The following CLSTN2 variants were observed in gnomAD, a reference collection of about 807,000 sequenced individuals.
The protein encoded by CLSTN2 is calsyntenin-2.
A neutral mutation model predicts 101.2 loss-of-function variants in CLSTN2; 48 were observed. The ratio of observed to expected loss-of-function variants is 0.47; its 90% CI spans 0.38 to 0.60. The LOEUF is 0.60. Among genes scored for constraint, CLSTN2 ranks in the 20% least tolerant of loss-of-function variants. CLSTN2 has a pLI of 0.00. For missense variants in CLSTN2, 1,160 were observed against 1,238.2 expected (o/e 0.94, Z 0.95); for synonymous variants, 481 against 463.6 (o/e 1.04, Z -0.48).
chr3:139,939,554 G>A lies in CLSTN2; in HGVS notation c.109+4071G>A, dbSNP rs564929716. On this transcript the variant is annotated intron_variant, in intron 1 of 16. Transcript: ENST00000458420. ...CTGCCCACAGAAGAGCACAGTATGA[G>A]TGTCTAAGGCTGTTTAAAAGGGCAT... 1.1e-4 allele frequency among the ~76,000 whole-genome samples: 17 copies of A among 152,316 alleles called. No homozygotes were observed. The South Asian group carries it at 1.9e-3, about 17-fold the overall frequency.
At chr3:140,235,300 GC>G (rs2086406746) in intron 2 of CLSTN2, among the ~76,000 whole-genome samples, 1 of 152,084 alleles carries the variant, frequency 6.6e-6, no homozygotes, top group East Asian at 1.9e-4. Flanking sequence ...CCAGATGGGG[GC>G]CCTAACAGTT....
chr3:140,507,896 T>C (rs1022503945), intron 8 of CLSTN2: 3 of 152,210 alleles, frequency 2.0e-5, no homozygotes, highest in Non-Finnish European at 2.9e-5. Context: ...ACCCATCTTA[T>C]AGATGAAGAA....
At chr3:140,082,680 C>T (rs1423049176) in intron 1 of CLSTN2, among the ~76,000 whole-genome samples, 3 of 152,196 alleles carry the variant, frequency 2.0e-5, no homozygotes, top group Non-Finnish European at 4.4e-5. Flanking sequence ...TCACCATCCC[C>T]TTTCTGGAGT....
At position 140,365,858 on chromosome 3, in the gene CLSTN2, TA is replaced by T. The variant is rs1028750271; in HGVS notation, c.233-37770del. ...ATTCACAAAGCTGCTGGGAAACATC[TA>T]GAGAGAAATCGAGGAACAACCCCAC... On this transcript the variant is annotated intron_variant, in intron 2 of 16. Transcript: ENST00000458420. Among the ~76,000 whole-genome samples, 32 of 152,278 alleles carry T rather than the reference TA, an allele frequency of 2.1e-4. 1 individual carries two copies. Among genetic ancestry groups the T allele is most frequent in the Admixed American group, 2.0e-4 (3 of 15,304 alleles).
chr3:140,153,278 G>A (rs969565296), intron 1 of CLSTN2, among the ~76,000 whole-genome samples: 1 of 152,232 alleles, frequency 6.6e-6, no homozygotes, highest in Non-Finnish European at 1.5e-5. Context: ...GGTAATATAA[G>A]GGGCTGCCAG....
At chr3:140,087,587 A>T (rs1165345713) in intron 1 of CLSTN2, among the ~76,000 whole-genome samples, 1 of 152,168 alleles carries the variant, frequency 6.6e-6, no homozygotes, top group East Asian at 1.9e-4. Context: ...TGTGCTGTGG[A>T]TAATGGAGTA....
At chr3:140,519,377 G>T (rs1159245275) in intron 8 of CLSTN2, among the ~76,000 whole-genome samples, 1 of 152,154 alleles carries the variant, frequency 6.6e-6, no homozygotes, top group Non-Finnish European at 1.5e-5. Flanking sequence ...GAATATCTTT[G>T]TTAATTTTCT....
At chr3:140,311,286 CCTTTTTTTTTT>C (rs2087164627) in intron 2 of CLSTN2, among the ~76,000 whole-genome samples, 2 of 85,328 alleles carry the variant, frequency 2.3e-5, no homozygotes, top group Non-Finnish European at 4.2e-5. Flanking sequence ...GGTTTATTAT[CCTTTTTTTTTT>C]TTTTTTTTTT....
In CLSTN2 at chr3:140,311,287, C is replaced by CTTT. The variant is rs750088450; in HGVS notation, c.233-92308_233-92306dup. ...ATAATAACAGCTAAGGTTTATTATC[C>CTTT]TTTTTTTTTTTTTTTTTTTTTTTTT... is the stretch of plus-strand genomic sequence containing the variant. On this transcript the variant is annotated intron_variant, in intron 2 of 16. Coordinates refer to ENST00000458420, the MANE Select transcript of CLSTN2 (RefSeq NM_022131.3). 2.9e-3 allele frequency among the ~76,000 whole-genome samples: 153 copies of CTTT among 52,078 alleles called. 39 individuals carry two copies. Among genetic ancestry groups the CTTT allele is most frequent in the African/African-American group, 7.2e-3 (77 of 10,624 alleles). The allele number at this position is 52,078 out of a possible 152,430, so 34.2% of individuals were successfully genotyped here.
intron 2 of CLSTN2, among the ~76,000 whole-genome samples, chr3:140,178,816 T>A (rs1156792390): frequency 2.0e-5 from 3 of 152,216 alleles, no homozygotes; most frequent in Admixed American, 2.0e-4. Flanking sequence ...CGAAGTCAAC[T>A]GAAGCTTTTA....
At chr3:140,019,436 G>A (rs998472960) in intron 1 of CLSTN2, among the ~76,000 whole-genome samples, 5 of 152,086 alleles carry the variant, frequency 3.3e-5, no homozygotes, top group Admixed American at 2.6e-4. Context: ...GCTCTTCCCT[G>A]GGTCACCATA....
intron 1 of CLSTN2, among the ~76,000 whole-genome samples, chr3:140,120,366 G>A (rs748384240): frequency 2.6e-5 from 4 of 152,186 alleles, no homozygotes; most frequent in Non-Finnish European, 4.4e-5. Flanking sequence ...TGAGGTATGG[G>A]GAAAGGCACA....
At chr3:140,192,257 T>G (rs1301568023) in intron 2 of CLSTN2, among the ~76,000 whole-genome samples, 2 of 151,930 alleles carry the variant, frequency 1.3e-5, no homozygotes, top group Admixed American at 6.6e-5. Context: ...TCAGTAGATA[T>G]TCTGTGGGCA....
rs1328631599 is a variant in CLSTN2 at position 140,091,656 on chromosome 3, G to A, written c.110-84295G>A. 3.9e-5 allele frequency among the ~76,000 whole-genome samples: 6 copies of A among 152,202 alleles called. No individual in the cohort carries two copies. In the East Asian group the frequency reaches 5.8e-4, roughly 15 times the overall value. ...ACTTTGATATTGAAATGCAGAAGGC[G>A]TGGGCCATCCACAGCTCCACTCTGG... On this transcript the variant is annotated intron_variant, in intron 1 of 16. Coordinates refer to ENST00000458420, the MANE Select transcript of CLSTN2 (RefSeq NM_022131.3).
At chr3:140,536,247 T>C (rs921058193) in intron 9 of CLSTN2, among the ~76,000 whole-genome samples, 5 of 152,010 alleles carry the variant, frequency 3.3e-5, no homozygotes, top group African/African-American at 1.2e-4. Flanking sequence ...AAGACCCACC[T>C]CACAGAATTC....
intron 8 of CLSTN2, among the ~76,000 whole-genome samples, chr3:140,527,895 T>C (rs1396148795): frequency 6.7e-6 from 1 of 149,964 alleles, no homozygotes. Context: ...AATATAGGAA[T>C]GATAGACACT....
intron 1 of CLSTN2, among the ~76,000 whole-genome samples, chr3:140,133,290 C>T (rs2009550183): frequency 6.6e-6 from 1 of 152,162 alleles, no homozygotes; most frequent in Non-Finnish European, 1.5e-5. Context: ...GCCTCCATGA[C>T]CCAAACACCT....
intron 2 of CLSTN2, among the ~76,000 whole-genome samples, chr3:140,250,435 A>C (rs2086553636): frequency 1.3e-5 from 2 of 152,176 alleles, no homozygotes; most frequent in Non-Finnish European, 1.5e-5. Context: ...GAGAGTCACT[A>C]TTTGGCTCTG....
At chr3:140,186,930 C>A (rs1003645536) in intron 2 of CLSTN2, among the ~76,000 whole-genome samples, 1 of 152,072 alleles carries the variant, frequency 6.6e-6, no homozygotes, top group African/African-American at 2.4e-5. Context: ...AAAAACAAAA[C>A]AAAACAAATT....
Sources: allele counts gnomAD v4.1 joint callset (sites outside exome capture counted in the v4.1 genomes callset), GRCh38; gene constraint gnomAD v4.1.1; transcripts MANE v1.5; gene names NCBI Gene and HGNC (gene_info 2026-07-23, HGNC 2026-07-21).